SLIT2: variants seen among roughly 807,000 people sequenced by gnomAD.
SLIT2 encodes the protein slit guidance ligand 2, also known as slit homolog 2 protein.
SLIT2 carries 41 observed loss-of-function variants against 185.7 expected under a neutral mutation model. The ratio of observed to expected loss-of-function variants is 0.22; its 90% CI spans 0.17 to 0.29. SLIT2 has a LOEUF of 0.29. SLIT2 is among the 10% of genes least tolerant of loss of function. The pLI is 1.00. For synonymous variants in SLIT2, 693 were observed against 680.2 expected, an observed-to-expected ratio of 1.02 and a Z score of -0.29; for missense variants, 1,571 against 1,909.0, an observed-to-expected ratio of 0.82 and a Z score of 3.30.
intron 26 of SLIT2, among the ~76,000 whole-genome samples, chr4:20,557,678 A>G (rs1724372781): frequency 6.6e-6 from 1 of 152,094 alleles, no homozygotes; most frequent in Non-Finnish European, 1.5e-5. Flanking sequence ...TTTGATTTTC[A>G]AGTCTTATTT....
At chr4:20,425,730 T>G (rs1728511259) in intron 4 of SLIT2, among the ~76,000 whole-genome samples, 1 of 152,170 alleles carries the variant, frequency 6.6e-6, no homozygotes, top group Non-Finnish European at 1.5e-5. Context: ...GCTTTAGTCT[T>G]TCAAATATCC....
At chr4:20,349,470 T>C (rs915850491) in intron 4 of SLIT2, among the ~76,000 whole-genome samples, 8 of 152,154 alleles carry the variant, frequency 5.3e-5, no homozygotes, top group African/African-American at 1.9e-4. Flanking sequence ...TTTTTTATTC[T>C]AATGGTAACC....
intron 4 of SLIT2, among the ~76,000 whole-genome samples, chr4:20,355,693 A>G (rs1722263788): frequency 1.3e-5 from 2 of 152,166 alleles, no homozygotes; most frequent in Admixed American, 6.5e-5. Flanking sequence ...CCATAATTTT[A>G]AGTAAACCAA....
At chr4:20,616,649 G>A in intron 34 of SLIT2, 2 of 367,266 alleles carry the variant, frequency 5.4e-6, no homozygotes, top group Non-Finnish European at 9.9e-6. Flanking sequence ...TTTCTTTGAA[G>A]CAAATTTTAA....
chr4:20,384,863 A>C (rs951526001), intron 4 of SLIT2, among the ~76,000 whole-genome samples: 1 of 152,218 alleles, frequency 6.6e-6, no homozygotes, highest in African/African-American at 2.4e-5. Context: ...GTAAGCTGAA[A>C]GACTCAAGGG....
chr4:20,463,745 G>A (rs59923482), intron 4 of SLIT2, among the ~76,000 whole-genome samples: 31,055 of 149,944 alleles, frequency 0.21, 3,384 homozygotes, highest in Non-Finnish European at 0.24. Context: ...GCTTGGTGGC[G>A]GGTGCCTGTA....
At chr4:20,389,621 T>G (rs1020088964) in intron 4 of SLIT2, among the ~76,000 whole-genome samples, 1 of 151,762 alleles carries the variant, frequency 6.6e-6, no homozygotes, top group African/African-American at 2.4e-5. Context: ...AAAACAAAAA[T>G]GCAAAGGGCC....
chr4:20,282,237 A>G (rs911097448), intron 4 of SLIT2, among the ~76,000 whole-genome samples: 2 of 152,234 alleles, frequency 1.3e-5, no homozygotes, highest in African/African-American at 2.4e-5. Context: ...TAAAAAGAGA[A>G]AAGTGGTTTA....
chr4:20,496,266 A>G (rs963046026), intron 9 of SLIT2, among the ~76,000 whole-genome samples: 3 of 63,710 alleles, frequency 4.7e-5, no homozygotes, highest in African/African-American at 7.3e-5. Flanking sequence ...GCTATTTGGT[A>G]ACTTCAATTA....
At chr4:20,475,759 A>G (rs1716032222) in intron 5 of SLIT2, among the ~76,000 whole-genome samples, 1 of 152,054 alleles carries the variant, frequency 6.6e-6, no homozygotes, top group South Asian at 2.1e-4. Flanking sequence ...GTTCACTTAC[A>G]ATTCCCAGGA....
chr4:20,436,727 G>A (rs970070988), intron 4 of SLIT2, among the ~76,000 whole-genome samples: 3 of 152,282 alleles, frequency 2.0e-5, no homozygotes, highest in Admixed American at 6.5e-5. Context: ...TGCTTTCAAG[G>A]TACAACCATG....
intron 4 of SLIT2, among the ~76,000 whole-genome samples, chr4:20,339,476 G>T (rs887664360): frequency 6.6e-6 from 1 of 152,050 alleles, no homozygotes; most frequent in African/African-American, 2.4e-5. Context: ...ATAACGCTTG[G>T]GCTGTTTGGA....
intron 18 of SLIT2, among the ~76,000 whole-genome samples, chr4:20,538,503 GTTTC>G (rs1232767627): frequency 1.3e-5 from 2 of 152,066 alleles, no homozygotes; most frequent in African/African-American, 4.8e-5. Context: ...GTGACACTTT[GTTTC>G]TTTATTTTTA....
chr4:20,368,957 T>C (rs1312098099), intron 4 of SLIT2, among the ~76,000 whole-genome samples: 1 of 152,118 alleles, frequency 6.6e-6, no homozygotes, highest in East Asian at 1.9e-4. Context: ...CTGTCCTCAA[T>C]GATGGAGACA....
intron 4 of SLIT2, among the ~76,000 whole-genome samples, chr4:20,466,110 C>T (rs867022269): frequency 6.6e-6 from 1 of 152,152 alleles, no homozygotes; most frequent in Non-Finnish European, 1.5e-5. Flanking sequence ...AAGTTTTCCT[C>T]CTCATTTCTT....
Position 20,544,687 on chromosome 4 carries a change from T to G in SLIT2, c.2277-1344T>G, listed in dbSNP as rs985407140. Among the ~76,000 whole-genome samples the G allele has an allele frequency of 7.0e-4, 107 of 152,256 alleles. 3 individuals are homozygous for G. The highest frequency in any genetic ancestry group is 7.0e-3 in the Admixed American group (107 of 15,268). Reference sequence around the variant, plus strand: ...TATTACATTAAATAATTAAAGACTTTGGCAAAAATTAGTATTATTGGTGGA... The same window carrying G: ...TATTACATTAAATAATTAAAGACTTGGGCAAAAATTAGTATTATTGGTGGA... On this transcript the variant is annotated intron_variant, in intron 21 of 36. Coordinates refer to ENST00000504154, the MANE Select transcript of SLIT2 (RefSeq NM_004787.4).
chr4:20,615,917 G>A (rs182847231), intron 34 of SLIT2: 27 of 152,414 alleles, frequency 1.8e-4, no homozygotes, highest in African/African-American at 6.5e-4. Context: ...AAAGCTTCCA[G>A]CACCCTCCCC....
At chr4:20,509,437 C>A (rs143422673) in intron 9 of SLIT2, among the ~76,000 whole-genome samples, 1 of 152,206 alleles carries the variant, frequency 6.6e-6, no homozygotes, top group Non-Finnish European at 1.5e-5. Flanking sequence ...GATGAGACCA[C>A]TGCTGTGGAC....
chr4:20,273,704 T>C (rs1439682305), intron 4 of SLIT2, among the ~76,000 whole-genome samples: 1 of 152,208 alleles, frequency 6.6e-6, no homozygotes, highest in Non-Finnish European at 1.5e-5. Context: ...AAATGTTTTA[T>C]AAAACGAACT....
Sources: allele counts gnomAD v4.1 joint callset (sites outside exome capture counted in the v4.1 genomes callset), GRCh38; gene constraint gnomAD v4.1.1; transcripts MANE v1.5; gene names NCBI Gene and HGNC (gene_info 2026-07-23, HGNC 2026-07-21).